IKBKB: variants seen among roughly 807,000 people sequenced by gnomAD.
IKBKB encodes the protein inhibitor of nuclear factor kappa B kinase subunit beta.
In IKBKB, 42 loss-of-function variants were observed where a neutral mutation model predicts 113.6. That is an observed-to-expected ratio of 0.37 (90% CI 0.29 to 0.48). The LOEUF is 0.48. Ranked by LOEUF, IKBKB falls within the 20% of genes least tolerant of loss-of-function variation. The pLI is 0.99. For missense variants in IKBKB, 673 were observed against 939.7 expected, an observed-to-expected ratio of 0.72 and a Z score of 3.71; for synonymous variants, 296 against 361.3, an observed-to-expected ratio of 0.82 and a Z score of 2.05.
intron 2 of IKBKB, among the ~76,000 whole-genome samples, chr8:42,286,219 C>T (rs919700963): frequency 6.6e-6 from 1 of 152,052 alleles, no homozygotes; most frequent in Admixed American, 6.5e-5. Flanking sequence ...GGCATGGAGT[C>T]TGCTGTTCCA....
At chr8:42,299,045 T>A (rs9284010) in intron 5 of IKBKB, among the ~76,000 whole-genome samples, 2 of 152,100 alleles carry the variant, frequency 1.3e-5, no homozygotes, top group African/African-American at 2.4e-5. Context: ...AATTCAACCC[T>A]GAACTCATCC....
intron 8 of IKBKB, among the ~76,000 whole-genome samples, chr8:42,311,525 C>T (rs1247162105): frequency 1.5e-5 from 2 of 129,620 alleles, no homozygotes; most frequent in South Asian, 2.4e-4. Flanking sequence ...TGCGCTGTTG[C>T]ACTTCAGTCT....
Position 42,316,195 on chromosome 8 carries a change from T to C in IKBKB, c.801-15T>C. The C allele has an allele frequency of 6.2e-7, 1 of 1,613,612 alleles. No homozygotes were observed. The highest frequency in any genetic ancestry group is 1.1e-5 in the South Asian group (1 of 91,028). Reference sequence around the variant, plus strand: ...GCTGGAAGTGTCTCCTCACACACTATGCTCCTCTCCACAGTGTCCTGGCTG... The same window carrying C: ...GCTGGAAGTGTCTCCTCACACACTACGCTCCTCTCCACAGTGTCCTGGCTG... On this transcript the variant is annotated splice_polypyrimidine_tract_variant and intron_variant, in intron 9 of 21. Transcript: ENST00000520810. The surrounding 1 kb of genome is among the most constrained non-coding windows in gnomAD (Gnocchi z 4.5).
chr8:42,304,924 T>C (rs1585693936), intron 5 of IKBKB, among the ~76,000 whole-genome samples: 1 of 152,122 alleles, frequency 6.6e-6, no homozygotes, highest in South Asian at 2.1e-4. Context: ...CTGGTCCAGG[T>C]AGTATAGTTT....
chr8:42,295,927 G>A (rs1038548206), intron 5 of IKBKB, among the ~76,000 whole-genome samples: 1 of 152,272 alleles, frequency 6.6e-6, no homozygotes, highest in South Asian at 2.1e-4. Flanking sequence ...GTGCATGTAT[G>A]TATTTAAGTT....
In IKBKB at chr8:42,290,188, A is replaced by C; in HGVS notation, c.233A>C (p.Asp78Ala). The part of the protein sequence containing the change: ...LTHPNVVAAR[D>A]VPEGMQNLAP... The stretch of plus-strand genomic sequence containing the variant: ...CACCCCAATGTGGTGGCTGCCCGAG[A>C]TGTCCCTGAGGGGATGCAGAACTTG... Residue 78 changes from aspartate to alanine, a missense_variant, in exon 4 of 22, where the codon GAT becomes GCT. By Grantham distance (126) the Asp-to-Ala change is moderately radical. Coordinates refer to ENST00000520810, the MANE Select transcript of IKBKB (RefSeq NM_001556.3). 1 of 1,613,794 alleles carries C rather than the reference A, an allele frequency of 6.2e-7. No individual in the cohort carries two copies. Among genetic ancestry groups the C allele is most frequent in the Non-Finnish European group, 8.5e-7 (1 of 1,179,928 alleles).
chr8:42,305,348 A>C, intron 6 of IKBKB, 73 bp downstream of exon 6: 1 of 865,080 alleles, frequency 1.2e-6, no homozygotes, highest in Non-Finnish European at 2.0e-6. Context: ...AAAGGAGCAC[A>C]CTCTGCATAT....
rs774444924 is a variant in IKBKB, at chr8:42,272,089, CACG to C, written c.-9_-7del. 4.3e-6 allele frequency: 7 copies of C among 1,613,226 alleles called. No individual in the cohort carries two copies. The highest frequency in any genetic ancestry group is 1.3e-5 in the African/African-American group (1 of 74,986). On this transcript the variant is annotated 5_prime_UTR_variant, in exon 2 of 22. Transcript: ENST00000520810. The stretch of plus-strand genomic sequence containing the variant: ...CATCCCAAATTGCTTATAGAGTTAG[CACG>C]ACATCAGTATGAGCTGGTCACCTTC...
rs1285918278 is a variant in IKBKB, at chr8:42,317,126, C to T, written c.1125+222C>T. The T allele has an allele frequency of 8.3e-6, 5 of 603,642 alleles. No homozygotes were observed. The East Asian group carries it at 1.2e-4, about 14-fold the overall frequency. 37.4% of individuals were successfully genotyped at this position (603,642 alleles called of 1,614,324 possible). On this transcript the variant is annotated intron_variant, in intron 11 of 21. Transcript: ENST00000520810. Reference sequence around the variant, plus strand: ...TTGTTACTTCCAAACCCTCCAAGACCGGTCTCTTGCCTTTATTGCAAAAAA... The same window carrying T: ...TTGTTACTTCCAAACCCTCCAAGACTGGTCTCTTGCCTTTATTGCAAAAAA...
intron 5 of IKBKB, among the ~76,000 whole-genome samples, chr8:42,304,011 C>T (rs1815978568): frequency 6.6e-6 from 1 of 152,226 alleles, no homozygotes; most frequent in Non-Finnish European, 1.5e-5. Context: ...GACTTTCCTG[C>T]ATACACTGCT....
chr8:42,291,279 C>T (rs1270683749), intron 4 of IKBKB, among the ~76,000 whole-genome samples: 1 of 151,978 alleles, frequency 6.6e-6, no homozygotes, highest in Non-Finnish European at 1.5e-5. Context: ...TCTCCTGGGT[C>T]CACGTGATTC....
At chr8:42,309,487 G>A in intron 8 of IKBKB, 1 of 420,124 alleles carries the variant, frequency 2.4e-6, no homozygotes. Context: ...GGGTACAGTG[G>A]CTCACTCCTG....
chr8:42,327,641 T>G (rs1410123602), intron 20 of IKBKB, among the ~76,000 whole-genome samples: 1 of 149,230 alleles, frequency 6.7e-6, no homozygotes, highest in Non-Finnish European at 1.5e-5. Flanking sequence ...CCTTTTTTTT[T>G]TTTTTTTTGA....
Position 42,322,067 on chromosome 8 carries a change from G to A in IKBKB, c.1752G>A (p.Glu584=). Residue 584 remains glutamate (E), a synonymous_variant, in exon 18 of 22, where the codon GAG becomes GAA. Transcript: ENST00000520810. ...CCCTCTCTCCAGACCAGCGAACTGA[G>A]GGTGACAGTCAGGAAATGGTACGGC... ...LREKPRDQRT[E]GDSQEMVRLL... The A allele has an allele frequency of 1.2e-6, 2 of 1,613,972 alleles. No homozygotes were observed. Among genetic ancestry groups the A allele is most frequent in the East Asian group, 2.2e-5 (1 of 44,860 alleles).
chr8:42,322,149 C>T lies in IKBKB; in HGVS notation c.1834C>T (p.Leu612Phe). ...EKKVRVIYTQ[L>F]SKTVVCKQKA... ...GAAAGTGCGAGTGATCTATACGCAG[C>T]TCAGGTATGAGCCCCGACCTTCCTG... Residue 612 changes from leucine to phenylalanine, a missense_variant, in exon 18 of 22, where the codon CTC becomes TTC. By Grantham distance (22) the Leu-to-Phe change is conservative (BLOSUM62 0). Transcript: ENST00000520810. The T allele has an allele frequency of 6.2e-7, 1 of 1,612,618 alleles. No individual in the cohort carries two copies. The highest frequency in any genetic ancestry group is 8.5e-7 in the Non-Finnish European group (1 of 1,178,868).
intron 2 of IKBKB, among the ~76,000 whole-genome samples, chr8:42,287,647 A>G (rs1406680611): frequency 1.3e-5 from 2 of 152,244 alleles, no homozygotes; most frequent in Non-Finnish European, 2.9e-5. Flanking sequence ...CAGGGTTACT[A>G]ATACCTGCTA....
intron 5 of IKBKB, among the ~76,000 whole-genome samples, chr8:42,299,273 C>G (rs753513603): frequency 6.6e-6 from 1 of 152,172 alleles, no homozygotes; most frequent in African/African-American, 2.4e-5. Context: ...GGCTGCAGAC[C>G]GCTGCTTCTG....
intron 8 of IKBKB, among the ~76,000 whole-genome samples, chr8:42,312,829 T>C (rs1817971616): frequency 6.6e-6 from 1 of 152,350 alleles, no homozygotes; most frequent in Admixed American, 6.5e-5. Context: ...CACTTGCCAA[T>C]GAGAATTGTT....
Position 42,325,679 on chromosome 8 carries a change from TAATC to T in IKBKB, c.1987-285_1987-282del, listed in dbSNP as rs1050996664. 9.7e-5 allele frequency: 113 copies of T among 1,158,984 alleles called. No individual in the cohort carries two copies. In the African/African-American group the frequency reaches 1.4e-3, roughly 14 times the overall value. 71.8% of individuals were successfully genotyped at this position (1,158,984 alleles called of 1,614,324 possible). On this transcript the variant is annotated intron_variant, in intron 19 of 21. Transcript: ENST00000520810. ...GGCGACAGAGCAAGACTCTCAATCA[TAATC>T]AATCAGTAAAGCTGATGAAAATAAA...
Sources: gnomAD v4.1 joint callset for allele counts (sites outside exome capture counted in the v4.1 genomes callset) on GRCh38, gnomAD v4.1.1 for gene constraint, Gnocchi (gnomAD v3.1) non-coding constraint, MANE v1.5 for transcripts, NCBI Gene and HGNC (gene_info 2026-07-23, HGNC 2026-07-21) for gene names.